Variants in KLHL7 observed in about 807,000 individuals in gnomAD.
KLHL7 encodes kelch like family member 7, also known as kelch-like protein 7.
In KLHL7, 44 loss-of-function variants were observed where a neutral mutation model predicts 67.4. The observed-to-expected ratio is 0.65, with a 90% confidence interval of 0.51 to 0.84. The LOEUF is 0.84. KLHL7 is among the 40% of genes least tolerant of loss of function. The pLI is 0.00. For synonymous variants in KLHL7, 252 were observed against 243.3 expected, an observed-to-expected ratio of 1.04 and a Z score of -0.33; for missense variants, 362 against 718.1, an observed-to-expected ratio of 0.50 and a Z score of 5.67.
intron 10 of KLHL7, among the ~76,000 whole-genome samples, chr7:23,173,737 G>A (rs1181506220): frequency 2.0e-5 from 3 of 152,090 alleles, no homozygotes; most frequent in Admixed American, 6.5e-5. Context: ...GGAAATCACC[G>A]ATTGGTTTAT....
chr7:23,113,997 C>T (rs559137845), intron 1 of KLHL7, among the ~76,000 whole-genome samples: 36 of 152,288 alleles, frequency 2.4e-4, no homozygotes, highest in African/African-American at 8.4e-4. Context: ...ATGTAAGAAG[C>T]TGAAAGGAAA....
rs1012889323 is a variant in KLHL7, at chr7:23,105,826, C to T, written c.-201C>T. 4 of 732,290 alleles carry T rather than the reference C, an allele frequency of 5.5e-6. No homozygotes were observed. The African/African-American group carries it at 7.0e-5, about 13-fold the overall frequency. The allele number at this position is 732,290 out of a possible 1,614,324, so 45.4% of individuals were successfully genotyped here. ...CGCAGCCCAGTTGGTAGCGTCGCTC[C>T]CTGAGCGTTTCTAAGGGGGCCGCCC... On this transcript the variant is annotated 5_prime_UTR_variant, in exon 1 of 11. Transcript: ENST00000339077.
At chr7:23,108,445 T>C (rs1201081478) in intron 1 of KLHL7, among the ~76,000 whole-genome samples, 1 of 152,124 alleles carries the variant, frequency 6.6e-6, no homozygotes, top group Non-Finnish European at 1.5e-5. Flanking sequence ...GGGATACATA[T>C]AAGAGGGCAC....
chr7:23,163,322 C>T (rs1784906444), intron 7 of KLHL7, among the ~76,000 whole-genome samples: 2 of 152,120 alleles, frequency 1.3e-5, no homozygotes, highest in African/African-American at 4.8e-5. Flanking sequence ...ACGTGCCTGC[C>T]ACCATGCCCG....
At chr7:23,114,994 C>T (rs758514255) in intron 1 of KLHL7, among the ~76,000 whole-genome samples, 3 of 152,190 alleles carry the variant, frequency 2.0e-5, no homozygotes, top group Non-Finnish European at 4.4e-5. Context: ...CAATTGAATT[C>T]CAAATATGTG....
chr7:23,113,834 C>T (rs991631560), intron 1 of KLHL7, among the ~76,000 whole-genome samples: 2 of 152,034 alleles, frequency 1.3e-5, no homozygotes, highest in Admixed American at 6.6e-5. Flanking sequence ...CTCAAAAAAA[C>T]CCCCCGAATA....
chr7:23,147,688 A>G (rs1207140443), intron 6 of KLHL7, among the ~76,000 whole-genome samples: 1 of 152,144 alleles, frequency 6.6e-6, no homozygotes, highest in Non-Finnish European at 1.5e-5. Context: ...CTTCTCCTCA[A>G]TAGAACGGTG....
Position 23,175,527 on chromosome 7 carries a change from A to T in KLHL7, c.*1229A>T. Reference sequence around the variant, plus strand: ...GTTTTCTTTATATAGAGGTTATAATAGTCTTAAACCCTAAAAATGTTTAAA... The same window carrying T: ...GTTTTCTTTATATAGAGGTTATAATTGTCTTAAACCCTAAAAATGTTTAAA... On this transcript the variant is annotated 3_prime_UTR_variant, in exon 11 of 11. Transcript: ENST00000339077. 3.0e-6 allele frequency: 1 copy of T among 337,420 alleles called. No homozygotes were observed. The highest frequency in any genetic ancestry group is 5.7e-6 in the Non-Finnish European group (1 of 176,040). 20.9% of individuals were successfully genotyped at this position (337,420 alleles called of 1,614,324 possible).
intron 1 of KLHL7, among the ~76,000 whole-genome samples, chr7:23,109,466 T>A (rs902662684): frequency 8.5e-5 from 13 of 152,222 alleles, no homozygotes; most frequent in African/African-American, 3.1e-4. Flanking sequence ...AAGACCTTCC[T>A]GAGTACCACC....
chr7:23,120,153 A>G (rs1432274253), intron 1 of KLHL7, among the ~76,000 whole-genome samples: 1 of 151,738 alleles, frequency 6.6e-6, no homozygotes, highest in Non-Finnish European at 1.5e-5. Context: ...GGGACCACAA[A>G]TGCGTGCCAC....
Position 23,165,754 on chromosome 7 carries a change from C to A in KLHL7, c.993C>A (p.Cys331Ter). ...TTGAAAAACGAAGAGATGCAGCATGCGTGTTTTGGGACAATGTAGTATACA... is the reference window on the plus strand; with the variant it reads ...TTGAAAAACGAAGAGATGCAGCATGAGTGTTTTGGGACAATGTAGTATACA... ...CPFEKRRDAA[C>*]VFWDNVVYIL... is the part of the protein sequence containing the mutation. Residue 331 changes from cysteine to a stop codon, truncating the protein, a stop_gained, in exon 8 of 11, where the codon TGC (cysteine) becomes TGA (stop). Coordinates refer to ENST00000339077, the MANE Select transcript of KLHL7 (RefSeq NM_001031710.3). LOFTEE classifies it high-confidence loss of function. The A allele has an allele frequency of 6.2e-7, 1 of 1,614,042 alleles. No individual in the cohort carries two copies. Among genetic ancestry groups the A allele is most frequent in the Non-Finnish European group, 8.5e-7 (1 of 1,179,938 alleles).
intron 1 of KLHL7, among the ~76,000 whole-genome samples, chr7:23,108,318 T>C (rs1408202175): frequency 1.3e-5 from 2 of 152,244 alleles, no homozygotes; most frequent in Non-Finnish European, 2.9e-5. Flanking sequence ...ATTCTATACA[T>C]AGAGGCAAAA....
intron 7 of KLHL7, chr7:23,156,016 C>T (rs1257327680): frequency 2.1e-6 from 1 of 466,940 alleles, no homozygotes; most frequent in Non-Finnish European, 4.4e-6. Context: ...TATTCTTCTA[C>T]ACGAGCCTGG....
chr7:23,167,138 A>C (rs1355667394), intron 8 of KLHL7, among the ~76,000 whole-genome samples: 2 of 148,922 alleles, frequency 1.3e-5, no homozygotes, highest in Non-Finnish European at 3.0e-5. Context: ...CTTGGGAAGG[A>C]AAAAAAAAAG....
rs76956307 is a variant in KLHL7 at position 23,128,136 on chromosome 7, A to G, written c.442+2964A>G. On this transcript the variant is annotated intron_variant, in intron 4 of 10. Coordinates refer to ENST00000339077, the MANE Select transcript of KLHL7 (RefSeq NM_001031710.3). ...CTACAGAGTGAGACTCTGTCTCAAGAAAAAAAAAAAAAGCAAACTTAAAAA... is the reference window on the plus strand; with the variant it reads ...CTACAGAGTGAGACTCTGTCTCAAGGAAAAAAAAAAAAGCAAACTTAAAAA... Among the ~76,000 whole-genome samples, 56 of 48,964 alleles carry G rather than the reference A, an allele frequency of 1.1e-3. No homozygotes were observed. The East Asian group carries it at 0.012, about 10-fold the overall frequency. 32.1% of individuals were successfully genotyped at this position (48,964 alleles called of 152,430 possible).
At chr7:23,151,959 T>C (rs1414860193) in intron 6 of KLHL7, 108 bp from the exon 7 acceptor site, 2 of 1,052,332 alleles carry the variant, frequency 1.9e-6, no homozygotes, top group Middle Eastern at 2.0e-4. Flanking sequence ...AGAGATATCA[T>C]AAAAGTAAGT....
At chr7:23,133,822 G>A (rs1410923964) in intron 4 of KLHL7, among the ~76,000 whole-genome samples, 2 of 152,156 alleles carry the variant, frequency 1.3e-5, no homozygotes, top group Non-Finnish European at 2.9e-5. Flanking sequence ...CAACTTTACT[G>A]AATTTATCCA....
intron 6 of KLHL7, 129 bp downstream of exon 6, chr7:23,144,154 T>G: frequency 2.5e-6 from 2 of 807,662 alleles, no homozygotes; most frequent in South Asian, 2.9e-5. Context: ...TCTAGATAGT[T>G]AATCCCTTGG....
At chr7:23,116,161 C>G (rs1252366211) in intron 1 of KLHL7, among the ~76,000 whole-genome samples, 3 of 152,194 alleles carry the variant, frequency 2.0e-5, no homozygotes, top group Non-Finnish European at 4.4e-5. Context: ...CTTTTGTGTG[C>G]CCATTAAGAT....
Sources: allele counts gnomAD v4.1 joint callset (sites outside exome capture counted in the v4.1 genomes callset), GRCh38; gene constraint gnomAD v4.1.1; transcripts MANE v1.5; gene names NCBI Gene and HGNC (gene_info 2026-07-23, HGNC 2026-07-21).